Variants in PGM5 observed in about 807,000 individuals in gnomAD.
The protein encoded by PGM5 is phosphoglucomutase 5.
A neutral mutation model predicts 59.2 loss-of-function variants in PGM5; 23 were observed. That is an observed-to-expected ratio of 0.39 (90% CI 0.28 to 0.55). The LOEUF is 0.55. Among genes scored for constraint, PGM5 ranks in the 20% least tolerant of loss-of-function variants. The pLI is 0.66. For synonymous variants in PGM5, 214 were observed against 286.0 expected, an observed-to-expected ratio of 0.75 and a Z score of 2.54; for missense variants, 574 against 748.3, an observed-to-expected ratio of 0.77 and a Z score of 2.72.
At chr9:68,473,220 T>C (rs782009671) in intron 7 of PGM5, among the ~76,000 whole-genome samples, 7 of 152,172 alleles carry the variant, frequency 4.6e-5, no homozygotes, top group Non-Finnish European at 8.8e-5. Context: ...CAAATCTTTA[T>C]CTTGAGTAGC....
At chr9:68,389,295 T>C (rs1305176065) in intron 4 of PGM5, among the ~76,000 whole-genome samples, 2 of 152,104 alleles carry the variant, frequency 1.3e-5, no homozygotes, top group African/African-American at 4.8e-5. Context: ...AGGTATACAG[T>C]TTGATAAGAT....
intron 6 of PGM5, among the ~76,000 whole-genome samples, chr9:68,410,060 CTAG>C (rs1398833231): frequency 6.6e-6 from 1 of 152,174 alleles, no homozygotes; most frequent in Non-Finnish European, 1.5e-5. Context: ...CTCTGCCTCC[CTAG>C]TAGGATGCAG....
At chr9:68,418,050 C>T (rs1554682112) in intron 6 of PGM5, among the ~76,000 whole-genome samples, 2 of 152,220 alleles carry the variant, frequency 1.3e-5, no homozygotes, top group African/African-American at 4.8e-5. Flanking sequence ...TGCTGTTTCT[C>T]CCCTGACAAG....
At chr9:68,460,142 A>G (rs1166289117) in intron 6 of PGM5, among the ~76,000 whole-genome samples, 1 of 152,218 alleles carries the variant, frequency 6.6e-6, no homozygotes, top group East Asian at 1.9e-4. Context: ...GCAGCTGGAT[A>G]TGCCTCACAC....
In PGM5 at chr9:68,434,336, A is replaced by G. The variant is rs1554683241; in HGVS notation, c.1044-30757A>G. ...CGTCTCAAAAAAAAAAAAAAAAAAA[A>G]AAAGAAAAAGAAAAAAAGAAAAAAA... On this transcript the variant is annotated intron_variant, in intron 6 of 10. Coordinates refer to ENST00000396396, the MANE Select transcript of PGM5 (RefSeq NM_021965.4). Among the ~76,000 whole-genome samples the G allele has an allele frequency of 3.0e-5, 4 of 135,520 alleles. No individual in the cohort carries two copies. The South Asian group carries it at 6.3e-4, about 21-fold the overall frequency. The allele number at this position is 135,520 out of a possible 152,430, so 88.9% of individuals were successfully genotyped here. A position where few individuals can be genotyped will look rare whatever the true frequency, so the allele number is the denominator to read the frequency against.
At chr9:68,492,975 A>G (rs1824422289) in intron 9 of PGM5, among the ~76,000 whole-genome samples, 1 of 152,168 alleles carries the variant, frequency 6.6e-6, no homozygotes, top group East Asian at 1.9e-4. Flanking sequence ...TTAGGCTCGC[A>G]GAGTCTCTCT....
At chr9:68,527,877 G>C (rs1316103801) in intron 10 of PGM5, among the ~76,000 whole-genome samples, 2 of 152,258 alleles carry the variant, frequency 1.3e-5, no homozygotes, top group East Asian at 3.9e-4. Flanking sequence ...GCCTCCCCTT[G>C]CCTAATGAAT....
chr9:68,412,219 CCTG>C (rs1822947512), intron 6 of PGM5, among the ~76,000 whole-genome samples: 1 of 151,924 alleles, frequency 6.6e-6, no homozygotes, highest in Non-Finnish European at 1.5e-5. Context: ...GTGACTATTA[CCTG>C]CTATTATTAC....
chr9:68,529,063 T>C (rs578219610), intron 10 of PGM5, among the ~76,000 whole-genome samples: 18 of 152,312 alleles, frequency 1.2e-4, no homozygotes, highest in East Asian at 1.2e-3. Context: ...ATCAGTCATT[T>C]CTGCAACGTT....
chr9:68,458,361 A>G (rs1823810041), intron 6 of PGM5, among the ~76,000 whole-genome samples: 1 of 152,228 alleles, frequency 6.6e-6, no homozygotes, highest in African/African-American at 2.4e-5. Flanking sequence ...GCTTCTAGGT[A>G]AAGCGGCAAA....
intron 6 of PGM5, among the ~76,000 whole-genome samples, chr9:68,404,767 AT>A (rs782624507): frequency 2.0e-5 from 3 of 152,172 alleles, no homozygotes; most frequent in Admixed American, 1.3e-4. Context: ...TGATGCCTGT[AT>A]TTAAGAATGC....
At chr9:68,520,285 TAA>T (rs946817204) in intron 10 of PGM5, among the ~76,000 whole-genome samples, 1 of 150,686 alleles carries the variant, frequency 6.6e-6, no homozygotes, top group Non-Finnish European at 1.5e-5. Context: ...TTCAAACTGA[TAA>T]AAGAGTTAAA....
intron 1 of PGM5, among the ~76,000 whole-genome samples, chr9:68,359,567 C>CA (rs1463968203): frequency 6.6e-6 from 1 of 152,148 alleles, no homozygotes; most frequent in East Asian, 1.9e-4. Context: ...TAATTATAAG[C>CA]AAAATTGGTC....
intron 7 of PGM5, chr9:68,466,050 T>G: frequency 1.2e-6 from 1 of 849,306 alleles, no homozygotes; most frequent in Non-Finnish European, 1.6e-6. Flanking sequence ...TCTTTGTCTC[T>G]TGTCCTTCTG....
At chr9:68,504,367 T>C (rs1587222076) in intron 10 of PGM5, among the ~76,000 whole-genome samples, 1 of 152,296 alleles carries the variant, frequency 6.6e-6, no homozygotes, top group East Asian at 1.9e-4. Flanking sequence ...AATCCTCCCC[T>C]CCACCTCATT....
chr9:68,434,316 C>CAAAAAACAAAAA (rs1823407452), intron 6 of PGM5, among the ~76,000 whole-genome samples: 1 of 90,832 alleles, frequency 1.1e-5, no homozygotes. Context: ...GACTCCGTCT[C>CAAAAAACAAAAA]AAAAAAAAAA....
chr9:68,406,610 G>C (rs1221418898), intron 6 of PGM5: 1 of 138,700 alleles, frequency 7.2e-6, no homozygotes, highest in African/African-American at 2.7e-5. Context: ...TTTTGAAGGG[G>C]ATAAACATTC....
intron 6 of PGM5, among the ~76,000 whole-genome samples, chr9:68,392,910 G>A (rs1291986221): frequency 1.3e-5 from 2 of 152,128 alleles, no homozygotes; most frequent in Non-Finnish European, 2.9e-5. Flanking sequence ...TTTGAGGTCA[G>A]ATTATATTAT....
chr9:68,455,523 G>T (rs1441659398), intron 6 of PGM5, among the ~76,000 whole-genome samples: 5 of 149,940 alleles, frequency 3.3e-5, no homozygotes, highest in African/African-American at 1.2e-4. Context: ...AAAAAAAACA[G>T]GAAAGGTTTT....
Sources: allele counts gnomAD v4.1 joint callset (sites outside exome capture counted in the v4.1 genomes callset), GRCh38; gene constraint gnomAD v4.1.1; transcripts MANE v1.5; gene names NCBI Gene and HGNC (gene_info 2026-07-23, HGNC 2026-07-21).